KCNQ5: variants seen among roughly 807,000 people sequenced by gnomAD.
KCNQ5 encodes potassium voltage-gated channel subfamily Q member 5.
A neutral mutation model predicts 98.2 loss-of-function variants in KCNQ5; 30 were observed. The observed-to-expected ratio is 0.31, with a 90% confidence interval of 0.23 to 0.41. The LOEUF is 0.41. Ranked by LOEUF, KCNQ5 falls within the 10% of genes least tolerant of loss-of-function variation. KCNQ5 has a pLI of 1.00. For synonymous variants in KCNQ5, 458 were observed against 449.4 expected, an observed-to-expected ratio of 1.02 and a Z score of -0.24; for missense variants, 835 against 1,182.5, an observed-to-expected ratio of 0.71 and a Z score of 4.31.
chr6:72,650,735 G>T (rs904528882), intron 1 of KCNQ5, among the ~76,000 whole-genome samples: 2 of 151,962 alleles, frequency 1.3e-5, no homozygotes, highest in Admixed American at 6.6e-5. Context: ...CTTCCTTTTT[G>T]TCATTCCTCA....
chr6:73,189,776 A>T (rs533801505), intron 11 of KCNQ5, among the ~76,000 whole-genome samples: 1 of 152,316 alleles, frequency 6.6e-6, no homozygotes, highest in Non-Finnish European at 1.5e-5. Context: ...GAATTTGTTG[A>T]TGAAATATCA....
chr6:72,673,937 A>G (rs1314339181), intron 1 of KCNQ5, among the ~76,000 whole-genome samples: 1 of 152,248 alleles, frequency 6.6e-6, no homozygotes, highest in Non-Finnish European at 1.5e-5. Flanking sequence ...TCTCCACTTC[A>G]ACTGTATGGA....
At chr6:72,791,591 C>T (rs1774046201) in intron 1 of KCNQ5, among the ~76,000 whole-genome samples, 1 of 152,180 alleles carries the variant, frequency 6.6e-6, no homozygotes, top group African/African-American at 2.4e-5. Flanking sequence ...TTGGAAACCA[C>T]TAGTTTTCAA....
intron 1 of KCNQ5, among the ~76,000 whole-genome samples, chr6:72,922,725 A>G (rs1213705681): frequency 6.6e-6 from 1 of 152,092 alleles, no homozygotes; most frequent in African/African-American, 2.4e-5. Flanking sequence ...ATGTTTTGGC[A>G]AATGACTAGA....
At chr6:72,972,507 C>T (rs1196557770) in intron 1 of KCNQ5, among the ~76,000 whole-genome samples, 3 of 151,964 alleles carry the variant, frequency 2.0e-5, no homozygotes, top group Admixed American at 1.3e-4. Context: ...CCCTACCCCC[C>T]AACAAGCCCT....
chr6:72,637,562 C>T (rs1245633616), intron 1 of KCNQ5, among the ~76,000 whole-genome samples: 1 of 152,112 alleles, frequency 6.6e-6, no homozygotes, highest in Non-Finnish European at 1.5e-5. Context: ...AATGTGTGTT[C>T]ATTGCAATCT....
At chr6:73,133,373 T>C (rs780611115) in intron 9 of KCNQ5, 48 bp from the exon 10 acceptor site, 2 of 1,543,966 alleles carry the variant, frequency 1.3e-6, no homozygotes, top group Admixed American at 1.7e-5. Flanking sequence ...CCAAGCAAAG[T>C]GGAAGAAATT....
At chr6:72,915,199 AT>A (rs1000555866) in intron 1 of KCNQ5, among the ~76,000 whole-genome samples, 5 of 152,116 alleles carry the variant, frequency 3.3e-5, no homozygotes, top group Non-Finnish European at 7.4e-5. Flanking sequence ...ATGCAGATCT[AT>A]TTTTTTCCAC....
chr6:72,827,673 A>G (rs1036854043), intron 1 of KCNQ5, among the ~76,000 whole-genome samples: 5 of 152,036 alleles, frequency 3.3e-5, no homozygotes, highest in African/African-American at 9.7e-5. Flanking sequence ...CTTCCATTCT[A>G]TAAGTTGTCT....
At position 73,093,569 on chromosome 6, in the gene KCNQ5, G is replaced by A. The variant is rs993756310; in HGVS notation, c.919-11688G>A. ...GGCTATAAACTTTCTTCTTAGCATC[G>A]CCTTTGCTGTGTCCCAGAGATCTTG... On this transcript the variant is annotated intron_variant, in intron 5 of 13. Coordinates refer to ENST00000370398, the MANE Select transcript of KCNQ5 (RefSeq NM_019842.4). Among the ~76,000 whole-genome samples the A allele has an allele frequency of 3.9e-5, 6 of 151,944 alleles. No homozygotes were observed. The East Asian group carries it at 9.6e-4, about 24-fold the overall frequency.
intron 1 of KCNQ5, among the ~76,000 whole-genome samples, chr6:72,907,955 C>T (rs944871130): frequency 5.9e-5 from 9 of 152,028 alleles, no homozygotes; most frequent in Admixed American, 5.9e-4. Flanking sequence ...CACTATCATG[C>T]TGTGACATCA....
At chr6:72,978,189 A>G (rs1216779358) in intron 1 of KCNQ5, among the ~76,000 whole-genome samples, 1 of 152,234 alleles carries the variant, frequency 6.6e-6, no homozygotes, top group East Asian at 1.9e-4. Context: ...TAACAGTCGA[A>G]AAGGCTGTTT....
intron 2 of KCNQ5, among the ~76,000 whole-genome samples, chr6:73,029,749 C>T (rs962938459): frequency 9.3e-5 from 14 of 151,230 alleles, no homozygotes; most frequent in African/African-American, 3.2e-4. Flanking sequence ...CTGCCTAACA[C>T]GGTGAAACCC....
intron 3 of KCNQ5, among the ~76,000 whole-genome samples, chr6:73,076,294 T>G (rs1236601013): frequency 1.3e-5 from 2 of 152,188 alleles, no homozygotes; most frequent in African/African-American, 4.8e-5. Context: ...ATCCTTGAAA[T>G]GGAACTCCTC....
intron 1 of KCNQ5, among the ~76,000 whole-genome samples, chr6:72,779,020 T>A (rs1773312388): frequency 6.6e-6 from 1 of 151,800 alleles, no homozygotes. Context: ...GATTGAGGAG[T>A]ATGTGAGTGA....
chr6:72,979,687 C>A (rs1006436446), intron 1 of KCNQ5, among the ~76,000 whole-genome samples: 1 of 152,132 alleles, frequency 6.6e-6, no homozygotes, highest in Non-Finnish European at 1.5e-5. Context: ...TAATTAGATT[C>A]CATTTGTCAA....
intron 1 of KCNQ5, among the ~76,000 whole-genome samples, chr6:72,911,765 A>T (rs1397074136): frequency 6.6e-6 from 1 of 152,130 alleles, no homozygotes; most frequent in African/African-American, 2.4e-5. Context: ...AACTAAGAAC[A>T]TCCTATGTTT....
At position 73,084,813 on chromosome 6, in the gene KCNQ5, A is replaced by T. The variant is rs58727694; in HGVS notation, c.918+6926A>T. 1.8e-3 allele frequency among the ~76,000 whole-genome samples: 272 copies of T among 152,300 alleles called. 5 individuals are homozygous for T. In the East Asian group the frequency reaches 0.044, roughly 25 times the overall value. On this transcript the variant is annotated intron_variant, in intron 5 of 13. Transcript: ENST00000370398. The stretch of plus-strand genomic sequence containing the variant: ...TGGGCCTGCCCTTTCTCCGACCCTG[A>T]ACCTAAATGAAACTAATCATTACTG...
At chr6:72,995,936 C>T (rs763622885) in intron 1 of KCNQ5, among the ~76,000 whole-genome samples, 1 of 152,166 alleles carries the variant, frequency 6.6e-6, no homozygotes, top group Non-Finnish European at 1.5e-5. Flanking sequence ...ATCTTTACGG[C>T]TTTTGTTACT....
Sources: gnomAD v4.1 joint callset for allele counts (sites outside exome capture counted in the v4.1 genomes callset) on GRCh38, gnomAD v4.1.1 for gene constraint, MANE v1.5 for transcripts, NCBI Gene and HGNC (gene_info 2026-07-23, HGNC 2026-07-21) for gene names.